Variants in DNAI4 observed in about 807,000 individuals in gnomAD.
DNAI4 encodes dynein axonemal intermediate chain 4, also known as WD repeat domain 78.
A neutral mutation model predicts 105.8 loss-of-function variants in DNAI4; 85 were observed. The observed-to-expected ratio is 0.80, with a 90% CI of 0.67 to 0.96. The LOEUF (loss-of-function observed/expected upper bound fraction) is 0.96. DNAI4 is among the 40% of genes least tolerant of loss of function. The probability of loss-of-function intolerance (pLI) is 0.00; values close to 1 mark genes in which losing one functional copy is unlikely to be tolerated. For synonymous variants in DNAI4, 352 were observed against 331.5 expected (o/e 1.06, Z -0.67); for missense variants, 1,014 against 1,005.6 (o/e 1.01, Z -0.11).
At chr1:66,876,696 C>A (rs1646965924) in intron 4 of DNAI4, among the ~76,000 whole-genome samples, 1 of 152,156 alleles carries the variant, frequency 6.6e-6, no homozygotes, top group South Asian at 2.1e-4. Context: ...TGGGTCAGAT[C>A]CCCTAACTTT....
intron 16 of DNAI4, among the ~76,000 whole-genome samples, chr1:66,817,131 G>T (rs1257569998): frequency 6.6e-6 from 1 of 152,132 alleles, no homozygotes; most frequent in East Asian, 1.9e-4. Context: ...ATGTGAAAAT[G>T]TCATATTTTA....
At position 66,824,754 on chromosome 1, in the gene DNAI4, G is replaced by C. The variant is rs559355461; in HGVS notation, c.2339+2066C>G. 5.9e-5 allele frequency among the ~76,000 whole-genome samples: 9 copies of C among 152,246 alleles called. No homozygotes were observed. The South Asian group carries it at 1.9e-3, about 32-fold the overall frequency. On this transcript the variant is annotated intron_variant, in intron 15 of 16. Transcript: ENST00000371026. ...AGAATGCTTGTGATTTTTGTACATTGATTTTGTATCCTGAGAGTTTGCTGA... is the reference window on the plus strand; with the variant it reads ...AGAATGCTTGTGATTTTTGTACATTCATTTTGTATCCTGAGAGTTTGCTGA...
chr1:66,859,887 A>C (rs1445140568), intron 7 of DNAI4, among the ~76,000 whole-genome samples: 1 of 152,142 alleles, frequency 6.6e-6, no homozygotes, highest in Non-Finnish European at 1.5e-5. Flanking sequence ...TAAAACTGTA[A>C]TGGTAGAAAC....
intron 2 of DNAI4, among the ~76,000 whole-genome samples, chr1:66,899,307 T>C (rs184782837): frequency 2.6e-5 from 4 of 152,326 alleles, no homozygotes; most frequent in African/African-American, 4.8e-5. Context: ...ATAAAGTGAA[T>C]ATTTCATTGT....
chr1:66,867,684 T>A (rs1011740074), intron 6 of DNAI4, among the ~76,000 whole-genome samples: 5 of 152,190 alleles, frequency 3.3e-5, no homozygotes, highest in Non-Finnish European at 5.9e-5. Context: ...TGTTGCATCA[T>A]CCTGGAACTA....
intron 9 of DNAI4, among the ~76,000 whole-genome samples, chr1:66,839,422 G>T (rs1263363107): frequency 6.6e-6 from 1 of 152,176 alleles, no homozygotes; most frequent in Non-Finnish European, 1.5e-5. Context: ...CAATGGAAAT[G>T]ATTATAGACT....
At chr1:66,919,569 TTCA>T (rs1281798293) in intron 1 of DNAI4, among the ~76,000 whole-genome samples, 2 of 152,206 alleles carry the variant, frequency 1.3e-5, no homozygotes, top group Non-Finnish European at 2.9e-5. Context: ...CCCCTACACT[TTCA>T]TGAGCTTTAC....
chr1:66,820,634 A>G (rs1481260903), intron 16 of DNAI4, among the ~76,000 whole-genome samples: 1 of 152,146 alleles, frequency 6.6e-6, no homozygotes, highest in Non-Finnish European at 1.5e-5. Flanking sequence ...TATTTAAACA[A>G]TAAGTCATGA....
At chr1:66,915,130 T>C (rs1649972997) in intron 1 of DNAI4, among the ~76,000 whole-genome samples, 2 of 152,228 alleles carry the variant, frequency 1.3e-5, no homozygotes, top group Admixed American at 1.3e-4. Flanking sequence ...CTTTGCTCTG[T>C]AATCTTTAAT....
chr1:66,871,837 T>C (rs1242418095), intron 5 of DNAI4, among the ~76,000 whole-genome samples: 1 of 152,208 alleles, frequency 6.6e-6, no homozygotes, highest in Admixed American at 6.5e-5. Flanking sequence ...TAGAAATGTG[T>C]TTTTGAACTT....
At chr1:66,864,709 C>T (rs184075591) in intron 6 of DNAI4, among the ~76,000 whole-genome samples, 1 of 152,206 alleles carries the variant, frequency 6.6e-6, no homozygotes, top group Admixed American at 6.5e-5. Context: ...TGCATGGTGG[C>T]GGACACCTAT....
At chr1:66,815,957 A>ATTCTGGTCC (rs1201494245) in intron 16 of DNAI4, among the ~76,000 whole-genome samples, 1 of 152,136 alleles carries the variant, frequency 6.6e-6, no homozygotes, top group Non-Finnish European at 1.5e-5. Context: ...CCACAAAAGT[A>ATTCTGGTCC]TTCTGGTCCT....
intron 7 of DNAI4, among the ~76,000 whole-genome samples, chr1:66,861,035 T>A (rs565816005): frequency 2.0e-5 from 3 of 152,122 alleles, no homozygotes; most frequent in Non-Finnish European, 4.4e-5. Context: ...AGGCCACTTA[T>A]TGAAAGTTAA....
rs71058481 is a variant in DNAI4 at position 66,909,285 on chromosome 1, T to TACACACACACACACACACACACACACAC, written c.171-3938_171-3911dup. On this transcript the variant is annotated intron_variant, in intron 1 of 16. Transcript: ENST00000371026. Reference sequence around the variant, plus strand: ...CCTATTTATTGTTGCCACCTCTCTCTACACACACACACACACACACACACA... The same window carrying TACACACACACACACACACACACACACAC: ...CCTATTTATTGTTGCCACCTCTCTCTACACACACACACACACACACACACACACACACACACACACACACACACACACA... Among the ~76,000 whole-genome samples, 199 of 134,534 alleles carry TACACACACACACACACACACACACACAC rather than the reference T, an allele frequency of 1.5e-3. 2 individuals carry two copies. The highest frequency in any genetic ancestry group is 2.9e-3 in the African/African-American group (99 of 34,130). 88.3% of individuals were successfully genotyped at this position (134,534 alleles called of 152,430 possible).
rs982039112 is a variant in DNAI4, at chr1:66,841,054, C to G, written c.1292-383G>C. ...ACAGCTCAACATATCCCACACCACA[C>G]ACACAGGACACCCAGAAACTTCACT... On this transcript the variant is annotated intron_variant, in intron 8 of 16. Coordinates refer to ENST00000371026, the MANE Select transcript of DNAI4 (RefSeq NM_024763.5). Among the ~76,000 whole-genome samples the G allele has an allele frequency of 2.3e-4, 35 of 152,354 alleles. 1 individual carries two copies. The Middle Eastern group carries it at 0.01, about 44-fold the overall frequency.
intron 1 of DNAI4, among the ~76,000 whole-genome samples, chr1:66,919,390 C>T (rs1486293740): frequency 6.6e-6 from 1 of 152,184 alleles, no homozygotes; most frequent in Non-Finnish European, 1.5e-5. Flanking sequence ...TTAAGGAGAA[C>T]AAACACCTAC....
At position 66,893,282 on chromosome 1, in the gene DNAI4, G is replaced by T; in HGVS notation, c.477C>A (p.Ser159=). The T allele has an allele frequency of 6.2e-7, 1 of 1,610,182 alleles. No homozygotes were observed. The highest frequency in any genetic ancestry group is 8.5e-7 in the Non-Finnish European group (1 of 1,178,054). The part of the protein sequence containing the change: ...EGSLGSEFIS[S]YSLYQNTINP... ...TTATTGTATTCTGATAAAGGCTATA[G>T]GAAGATATAAATTCTGATCCAAGTG... is the stretch of plus-strand genomic sequence containing the variant. The change falls in exon 3 of 17, where the codon TCC becomes TCA. Residue 159 remains serine, a synonymous_variant. Transcript: ENST00000371026.
chr1:66,843,092 C>T (rs1047631583), intron 8 of DNAI4, among the ~76,000 whole-genome samples: 12 of 149,972 alleles, frequency 8.0e-5, no homozygotes, highest in East Asian at 2.0e-4. Flanking sequence ...CTTAGCTACC[C>T]GGGAGGCTGA....
intron 2 of DNAI4, among the ~76,000 whole-genome samples, chr1:66,895,846 T>C (rs892380659): frequency 6.6e-6 from 1 of 152,190 alleles, no homozygotes; most frequent in African/African-American, 2.4e-5. Context: ...TAAATTACAC[T>C]AAGGGTTTTT....
Sources: gnomAD v4.1 joint callset for allele counts (sites outside exome capture counted in the v4.1 genomes callset) on GRCh38, gnomAD v4.1.1 for gene constraint, MANE v1.5 for transcripts, NCBI Gene and HGNC (gene_info 2026-07-23, HGNC 2026-07-21) for gene names.